Variants in CASC3 observed in about 807,000 individuals in gnomAD.
The protein encoded by CASC3 is protein CASC3.
In CASC3, 30 loss-of-function variants were observed where a neutral mutation model predicts 80.5. That is an observed-to-expected ratio of 0.37 (90% CI 0.28 to 0.51). CASC3 has a LOEUF of 0.51. CASC3 is among the 20% of genes least tolerant of loss of function. CASC3 has a pLI of 0.94. For missense variants in CASC3, 824 were observed against 922.2 expected, an observed-to-expected ratio of 0.89 and a Z score of 1.38; for synonymous variants, 312 against 333.6, an observed-to-expected ratio of 0.94 and a Z score of 0.70.
At chr17:40,152,080 A>T (rs1989025666) in intron 3 of CASC3, among the ~76,000 whole-genome samples, 1 of 152,232 alleles carries the variant, frequency 6.6e-6, no homozygotes, top group East Asian at 1.9e-4. Context: ...TATGTGTGTG[A>T]TGAGAACACC....
intron 3 of CASC3, among the ~76,000 whole-genome samples, chr17:40,144,829 A>G (rs936012304): frequency 4.4e-5 from 6 of 135,510 alleles, no homozygotes; most frequent in Non-Finnish European, 6.3e-5. Flanking sequence ...AGCATGAGCC[A>G]CCATACCCAG....
intron 3 of CASC3, among the ~76,000 whole-genome samples, chr17:40,149,419 A>C (rs922730520): frequency 2.6e-5 from 4 of 152,012 alleles, no homozygotes; most frequent in African/African-American, 9.7e-5. Context: ...GGCCAAAAAA[A>C]CTTGTTAAAG....
chr17:40,144,985 C>T (rs987865082), intron 3 of CASC3, among the ~76,000 whole-genome samples: 9 of 151,506 alleles, frequency 5.9e-5, no homozygotes, highest in African/African-American at 2.2e-4. Flanking sequence ...CTCAGCCTCC[C>T]GAGTAGCTGG....
chr17:40,164,790 C>T (rs1157919122), intron 7 of CASC3, among the ~76,000 whole-genome samples: 43 of 111,124 alleles, frequency 3.9e-4, no homozygotes, highest in Non-Finnish European at 6.5e-4. Flanking sequence ...GAGACTTGCT[C>T]TGTTGCCCAG....
At chr17:40,166,211 A>G (rs139908868) in intron 7 of CASC3, among the ~76,000 whole-genome samples, 104 of 152,298 alleles carry the variant, frequency 6.8e-4, no homozygotes, top group Middle Eastern at 3.4e-3. Flanking sequence ...AGATAGATCA[A>G]AGGATCTTCC....
At chr17:40,151,668 T>C (rs1401206302) in intron 3 of CASC3, among the ~76,000 whole-genome samples, 1 of 141,802 alleles carries the variant, frequency 7.1e-6, no homozygotes, top group Non-Finnish European at 1.5e-5. Flanking sequence ...CACTCCAGCT[T>C]GAGTAACAGA....
intron 3 of CASC3, among the ~76,000 whole-genome samples, chr17:40,142,128 G>A (rs1430817065): frequency 6.6e-6 from 1 of 152,176 alleles, no homozygotes; most frequent in Non-Finnish European, 1.5e-5. Flanking sequence ...GGGTTGTTGA[G>A]TGGACTCCTG....
At chr17:40,154,844 C>G (rs751991217) in intron 3 of CASC3, among the ~76,000 whole-genome samples, 1 of 152,030 alleles carries the variant, frequency 6.6e-6, no homozygotes, top group Non-Finnish European at 1.5e-5. Flanking sequence ...GTCTTTGATT[C>G]ATTTTGAGTT....
intron 3 of CASC3, 120 bp from the exon 4 acceptor site, chr17:40,161,633 T>C (rs1355480975): frequency 9.9e-6 from 8 of 811,062 alleles, no homozygotes; most frequent in African/African-American, 8.6e-5. Context: ...GAGCTGAGAT[T>C]GTGCCACTGT....
rs192869279 is a variant in CASC3, at chr17:40,150,304, C to T, written c.297+8697C>T. Among the ~76,000 whole-genome samples, 321 of 152,066 alleles carry T rather than the reference C, an allele frequency of 2.1e-3. 1 individual carries two copies. Among genetic ancestry groups the T allele is most frequent in the Middle Eastern group, 0.01 (3 of 294 alleles). The stretch of plus-strand genomic sequence containing the variant: ...GGAGGATCCCTTGAGCCCAGGAGGT[C>T]GAGGCCACAGCAAGCTATGATTGCA... On this transcript the variant is annotated intron_variant, in intron 3 of 13. Transcript: ENST00000264645.
intron 3 of CASC3, among the ~76,000 whole-genome samples, chr17:40,152,811 C>T (rs781381618): frequency 1.3e-5 from 2 of 150,340 alleles, no homozygotes; most frequent in Non-Finnish European, 3.0e-5. Flanking sequence ...CAGTCTTGCT[C>T]TGTAGCCCAG....
At chr17:40,168,056 C>T in intron 10 of CASC3, 108 bp downstream of exon 10, 2 of 1,319,592 alleles carry the variant, frequency 1.5e-6, no homozygotes, top group Non-Finnish European at 2.2e-6. Context: ...GGGAGTCTGG[C>T]CATCCTGGCT....
intron 3 of CASC3, among the ~76,000 whole-genome samples, chr17:40,141,901 T>A (rs1210706302): frequency 6.6e-6 from 1 of 152,230 alleles, no homozygotes; most frequent in East Asian, 1.9e-4. Flanking sequence ...CTGAAAGATG[T>A]TTGACAGTTT....
chr17:40,148,603 A>T (rs1988917057), intron 3 of CASC3, among the ~76,000 whole-genome samples: 1 of 151,758 alleles, frequency 6.6e-6, no homozygotes, highest in Non-Finnish European at 1.5e-5. Flanking sequence ...CAGATGATCC[A>T]CCCACCTTGG....
rs773292819 is a variant in CASC3, at chr17:40,166,872, G to A, written c.1536+11G>A. ...CGGATGGAAGAAATGGTACAGAAGG[G>A]GAAAGGGGTAGATGGGGGAGGGAGC... On this transcript the variant is annotated intron_variant, in intron 8 of 13. Coordinates refer to ENST00000264645, the MANE Select transcript of CASC3 (RefSeq NM_007359.5). 3 of 1,602,138 alleles carry A rather than the reference G, an allele frequency of 1.9e-6. No individual in the cohort carries two copies.
intron 3 of CASC3, among the ~76,000 whole-genome samples, chr17:40,157,881 T>C (rs748595834): frequency 3.3e-5 from 5 of 152,098 alleles, no homozygotes; most frequent in Non-Finnish European, 5.9e-5. Flanking sequence ...GAAAAGAAAA[T>C]GTTATTAAGA....
intron 8 of CASC3, 85 bp downstream of exon 8, chr17:40,166,946 T>A: frequency 3.1e-6 from 3 of 970,316 alleles, no homozygotes; most frequent in Non-Finnish European, 4.6e-6. Context: ...AAGGTCTTTT[T>A]TTTTTTTCTT....
chr17:40,146,033 G>A (rs533364186), intron 3 of CASC3, among the ~76,000 whole-genome samples: 1 of 152,260 alleles, frequency 6.6e-6, no homozygotes, highest in Admixed American at 6.5e-5. Flanking sequence ...GAGGGGCATT[G>A]GAGACTCAGA....
chr17:40,167,399 T>C (rs969692339), intron 8 of CASC3, 99 bp from the exon 9 acceptor site: 1 of 738,376 alleles, frequency 1.4e-6, no homozygotes. Flanking sequence ...ATTAAATACC[T>C]GCCATGTACC....
Sources: allele counts gnomAD v4.1 joint callset (sites outside exome capture counted in the v4.1 genomes callset), GRCh38; gene constraint gnomAD v4.1.1; transcripts MANE v1.5; gene names NCBI Gene and HGNC (gene_info 2026-07-23, HGNC 2026-07-21).